Variants in MED12L observed in about 807,000 individuals in gnomAD.
MED12L encodes the protein mediator of RNA polymerase II transcription subunit 12-like protein.
MED12L carries 60 observed loss-of-function variants against 281.3 expected under a neutral mutation model. The observed-to-expected ratio is 0.21, with a 90% CI of 0.17 to 0.26. MED12L has a LOEUF of 0.26. Among genes scored for constraint, MED12L ranks in the 10% least tolerant of loss-of-function variants. The pLI is 1.00. For synonymous variants in MED12L, 974 were observed against 987.2 expected (o/e 0.99, Z 0.25); for missense variants, 2,146 against 2,680.9 (o/e 0.80, Z 4.41).
At chr3:151,086,414 C>G (rs1719198436) in intron 1 of MED12L, 1 of 152,006 alleles carries the variant, frequency 6.6e-6, no homozygotes, top group East Asian at 1.9e-4. Flanking sequence ...CAGCTTCTTC[C>G]CGGGAGGGGA....
rs560469022 is a variant in MED12L at position 151,093,422 on chromosome 3, C to G, written c.99+6397C>G. On this transcript the variant is annotated intron_variant, in intron 2 of 44. Coordinates refer to ENST00000687756, the MANE Select transcript of MED12L (RefSeq NM_001393769.1). ...CTTTCTAGGTGATTCCGAAACATGT[C>G]AAGCTTGAAAACCTTTGCTTTAGTT... Among the ~76,000 whole-genome samples, 274 of 152,322 alleles carry G rather than the reference C, an allele frequency of 1.8e-3. 1 individual carries two copies. The highest frequency in any genetic ancestry group is 6.3e-3 in the African/African-American group (260 of 41,572).
chr3:151,338,947 C>T lies in MED12L; in HGVS notation c.2251-11112C>T, dbSNP rs537265189. The T allele has an allele frequency of 7.7e-6, 9 of 1,169,588 alleles. 1 individual carries two copies. In the South Asian group the frequency reaches 1.2e-4, roughly 15 times the overall value. 72.5% of individuals were successfully genotyped at this position (1,169,588 alleles called of 1,614,324 possible). On this transcript the variant is annotated intron_variant, in intron 16 of 44. Coordinates refer to ENST00000687756, the MANE Select transcript of MED12L (RefSeq NM_001393769.1). ...TGTGTGTAACTTTTTTGGACACAGCCTCCTCTAAAAGTTGAGGTTTCTCAT... is the reference window on the plus strand; with the variant it reads ...TGTGTGTAACTTTTTTGGACACAGCTTCCTCTAAAAGTTGAGGTTTCTCAT...
At chr3:151,356,376 T>TGCAA (rs1208264649) in intron 19 of MED12L, among the ~76,000 whole-genome samples, 2 of 151,968 alleles carry the variant, frequency 1.3e-5, no homozygotes, top group African/African-American at 2.4e-5. Flanking sequence ...TATGGGACAG[T>TGCAA]GCAAGGCCCT....
chr3:151,256,573 A>C (rs1253250745), intron 16 of MED12L, among the ~76,000 whole-genome samples: 3 of 151,746 alleles, frequency 2.0e-5, no homozygotes, highest in African/African-American at 7.3e-5. Context: ...ATGTAGGCAA[A>C]ACATGTGGTC....
rs76965310 is a variant in MED12L at position 151,141,187 on chromosome 3, G to GTTTTTTTTTTTTTT, written c.556+13216_556+13217insTTTTTTTTTTTTTT. 3.0e-3 allele frequency among the ~76,000 whole-genome samples: 298 copies of GTTTTTTTTTTTTTT among 99,006 alleles called. 4 individuals are homozygous for GTTTTTTTTTTTTTT. Among genetic ancestry groups the GTTTTTTTTTTTTTT allele is most frequent in the Middle Eastern group, 5.7e-3 (1 of 174 alleles). 65.0% of individuals were successfully genotyped at this position (99,006 alleles called of 152,430 possible). On this transcript the variant is annotated intron_variant, in intron 5 of 44. Transcript: ENST00000687756. ...TGGCGTTTTTTTTTTTGTTTTTTTT[G>GTTTTTTTTTTTTTT]TTTTTTTTTTTTTGTTAGTAGAGAC...
chr3:151,398,809 C>T (rs1407139297), intron 39 of MED12L, among the ~76,000 whole-genome samples: 1 of 152,050 alleles, frequency 6.6e-6, no homozygotes, highest in Non-Finnish European at 1.5e-5. Context: ...CTGATATGGA[C>T]CATGTTTTTT....
chr3:151,307,533 CTGTGTG>C (rs67391329), intron 16 of MED12L, among the ~76,000 whole-genome samples: 6,606 of 137,616 alleles, frequency 0.048, 152 homozygotes, highest in East Asian at 0.063. Context: ...GTAACTTGCT[CTGTGTG>C]TGTGTGTGTG....
At chr3:151,284,505 A>G (rs952081703) in intron 16 of MED12L, among the ~76,000 whole-genome samples, 5 of 152,240 alleles carry the variant, frequency 3.3e-5, no homozygotes, top group African/African-American at 1.2e-4. Flanking sequence ...TATAATTAAT[A>G]ATTTGAGCAC....
In MED12L at chr3:151,164,051, T is replaced by C. The variant is rs767474838; in HGVS notation, c.1257+9T>C. The stretch of plus-strand genomic sequence containing the variant: ...CGGCTTTCAATCAGCAGGTAGACTT[T>C]ATGTTTCAGTGATTTGATGGCTGTT... On this transcript the variant is annotated intron_variant, in intron 9 of 44. Coordinates refer to ENST00000687756, the MANE Select transcript of MED12L (RefSeq NM_001393769.1). 3.7e-6 allele frequency: 6 copies of C among 1,611,632 alleles called. No individual in the cohort carries two copies. The Admixed American group carries it at 5.0e-5, about 13-fold the overall frequency.
At position 151,190,892 on chromosome 3, in the gene MED12L, A is replaced by G; in HGVS notation, c.1929A>G (p.Ala643=). 6.2e-7 allele frequency: 1 copy of G among 1,614,220 alleles called. No individual in the cohort carries two copies. The highest frequency in any genetic ancestry group is 8.5e-7 in the Non-Finnish European group (1 of 1,180,042). ...CGCGGTCACCAGTAGGGGAAAATGCAGATGAACACTATTCAAAGGACCATG... is the reference window on the plus strand; with the variant it reads ...CGCGGTCACCAGTAGGGGAAAATGCGGATGAACACTATTCAAAGGACCATG... The part of the protein sequence containing the change: ...TRPRSPVGEN[A]DEHYSKDHDV... Residue 643 remains alanine, a synonymous_variant, in exon 14 of 45, where the codon GCA becomes GCG. Coordinates refer to ENST00000687756, the MANE Select transcript of MED12L (RefSeq NM_001393769.1).
At chr3:151,396,855 C>CT (rs1715045750) in intron 39 of MED12L, among the ~76,000 whole-genome samples, 1 of 152,184 alleles carries the variant, frequency 6.6e-6, no homozygotes, top group Non-Finnish European at 1.5e-5. Context: ...GGTTCACTTC[C>CT]TGATATAAGC....
At chr3:151,404,058 CAGAT>C (rs1716009600) in intron 39 of MED12L, among the ~76,000 whole-genome samples, 1 of 152,204 alleles carries the variant, frequency 6.6e-6, no homozygotes, top group East Asian at 1.9e-4. Context: ...TAATGTAATT[CAGAT>C]AGAAAACAAT....
At chr3:151,414,175 A>G (rs1326497063) in intron 42 of MED12L, among the ~76,000 whole-genome samples, 1 of 152,082 alleles carries the variant, frequency 6.6e-6, no homozygotes, top group African/African-American at 2.4e-5. Context: ...CTTGTTTCTG[A>G]CTTGCTTATT....
rs139530456 is a variant in MED12L at position 151,213,386 on chromosome 3, G to A, written c.2250+19720G>A. On this transcript the variant is annotated intron_variant, in intron 16 of 44. Coordinates refer to ENST00000687756, the MANE Select transcript of MED12L (RefSeq NM_001393769.1). ...TCATTCTGAGCTTTTAATGGAATGTGCAATTTCTTACATAAGATTTCCCTA... is the reference window on the plus strand; with the variant it reads ...TCATTCTGAGCTTTTAATGGAATGTACAATTTCTTACATAAGATTTCCCTA... The A allele has an allele frequency of 8.0e-4, 1,299 of 1,613,698 alleles. 8 individuals are homozygous for A. The highest frequency in any genetic ancestry group is 2.3e-4 in the Non-Finnish European group (268 of 1,179,628).
intron 5 of MED12L, among the ~76,000 whole-genome samples, chr3:151,155,766 G>C (rs1440681095): frequency 2.0e-5 from 3 of 152,180 alleles, no homozygotes; most frequent in Non-Finnish European, 4.4e-5. Context: ...GAGATTCCTT[G>C]AGATCTCCCC....
intron 17 of MED12L, 80 bp from the exon 18 acceptor site, chr3:151,355,041 C>A (rs1753738049): frequency 9.8e-7 from 1 of 1,018,318 alleles, no homozygotes; most frequent in South Asian, 1.3e-5. Context: ...GTATGCTATA[C>A]TTTAAAAAAA....
At chr3:151,206,556 C>A (rs2149183768) in intron 16 of MED12L, among the ~76,000 whole-genome samples, 1 of 136,784 alleles carries the variant, frequency 7.3e-6, no homozygotes, top group South Asian at 2.3e-4. Context: ...TATCTCGTTT[C>A]TTTTTAGTCA....
chr3:151,150,891 G>A (rs889147401), intron 5 of MED12L, among the ~76,000 whole-genome samples: 6 of 152,186 alleles, frequency 3.9e-5, no homozygotes, highest in African/African-American at 1.4e-4. Context: ...GAAGAGAGTT[G>A]AGGCCTTGCC....
chr3:151,245,421 A>G (rs1335046611), intron 16 of MED12L, among the ~76,000 whole-genome samples: 2 of 148,450 alleles, frequency 1.3e-5, no homozygotes, highest in Non-Finnish European at 3.0e-5. Flanking sequence ...CTTATCCACC[A>G]TGATCAAGTG....
Sources: gnomAD v4.1 joint callset for allele counts (sites outside exome capture counted in the v4.1 genomes callset) on GRCh38, gnomAD v4.1.1 for gene constraint, MANE v1.5 for transcripts, NCBI Gene and HGNC (gene_info 2026-07-23, HGNC 2026-07-21) for gene names.